KLHL32: variants seen among roughly 807,000 people sequenced by gnomAD.
The protein encoded by KLHL32 is kelch-like protein 32.
KLHL32 carries 35 observed loss-of-function variants against 64.8 expected under a neutral mutation model. The ratio of observed to expected loss-of-function variants is 0.54; its 90% CI spans 0.41 to 0.72. The LOEUF (loss-of-function observed/expected upper bound fraction) is 0.72. Among genes scored for constraint, KLHL32 ranks in the 30% least tolerant of loss-of-function variants. The pLI is 0.00. For missense variants in KLHL32, 589 were observed against 768.5 expected, an observed-to-expected ratio of 0.77 and a Z score of 2.76; for synonymous variants, 259 against 281.0, an observed-to-expected ratio of 0.92 and a Z score of 0.78.
chr6:97,043,572 A>G (rs1314044185), intron 4 of KLHL32, among the ~76,000 whole-genome samples: 2 of 152,120 alleles, frequency 1.3e-5, no homozygotes, highest in Admixed American at 6.6e-5. Context: ...TCCTTTGGCT[A>G]TTACCCAGAA....
intron 1 of KLHL32, among the ~76,000 whole-genome samples, chr6:96,929,085 C>T (rs979081501): frequency 3.3e-5 from 5 of 152,126 alleles, no homozygotes; most frequent in Admixed American, 6.5e-5. Context: ...GTTAGACTTG[C>T]ATTTAACTAC....
At chr6:97,037,303 A>G (rs1229339155) in intron 3 of KLHL32, among the ~76,000 whole-genome samples, 1 of 152,160 alleles carries the variant, frequency 6.6e-6, no homozygotes, top group Non-Finnish European at 1.5e-5. Context: ...ATGCAGTGAG[A>G]TGGAAATGAA....
At chr6:96,974,277 T>G (rs534174956) in intron 2 of KLHL32, among the ~76,000 whole-genome samples, 1 of 152,314 alleles carries the variant, frequency 6.6e-6, no homozygotes, top group South Asian at 2.1e-4. Flanking sequence ...TTAGGAAAGA[T>G]TTTTCAAAGA....
the KLHL32 span, among the ~76,000 whole-genome samples, chr6:96,916,403 A>G: frequency 6.6e-6 from 1 of 152,226 alleles, no homozygotes; most frequent in Non-Finnish European, 1.5e-5. Context: ...TGCTTTAACA[A>G]AAGTCAGCAC....
At chr6:97,070,480 G>C (rs886307334) in intron 5 of KLHL32, among the ~76,000 whole-genome samples, 2 of 152,046 alleles carry the variant, frequency 1.3e-5, no homozygotes, top group African/African-American at 4.8e-5. Flanking sequence ...TATTATGTTG[G>C]CTTTTATTCC....
the KLHL32 span, among the ~76,000 whole-genome samples, chr6:96,898,621 C>T: frequency 6.6e-6 from 1 of 152,060 alleles, no homozygotes; most frequent in Non-Finnish European, 1.5e-5. Flanking sequence ...TCCTATTTCT[C>T]TTCTCTCTTG....
chr6:97,113,335 C>T (rs190684346), intron 6 of KLHL32, among the ~76,000 whole-genome samples: 3 of 152,050 alleles, frequency 2.0e-5, no homozygotes, highest in Non-Finnish European at 2.9e-5. Flanking sequence ...TATTTTCTTA[C>T]GTTACTCATA....
intron 1 of KLHL32, among the ~76,000 whole-genome samples, chr6:96,953,257 T>C (rs1276212891): frequency 6.6e-6 from 1 of 152,224 alleles, no homozygotes; most frequent in Admixed American, 6.5e-5. Flanking sequence ...TACGTCCATA[T>C]TTCTCAGTAA....
chr6:96,941,237 A>G (rs1771244554), intron 1 of KLHL32, among the ~76,000 whole-genome samples: 1 of 152,222 alleles, frequency 6.6e-6, no homozygotes, highest in Admixed American at 6.5e-5. Context: ...CACTACTTTA[A>G]TAAAGATAGT....
chr6:96,997,834 AAAC>A (rs1165944898), intron 3 of KLHL32, among the ~76,000 whole-genome samples: 1 of 152,182 alleles, frequency 6.6e-6, no homozygotes, highest in Non-Finnish European at 1.5e-5. Flanking sequence ...AAACCATAAA[AAAC>A]GTACAAACCA....
At chr6:97,030,148 C>T (rs1348067722) in intron 3 of KLHL32, among the ~76,000 whole-genome samples, 1 of 152,156 alleles carries the variant, frequency 6.6e-6, no homozygotes, top group Non-Finnish European at 1.5e-5. Flanking sequence ...TTCAGAGTAA[C>T]TCCAAAGCTG....
chr6:97,095,518 G>A (rs1019438520), intron 6 of KLHL32, among the ~76,000 whole-genome samples: 5 of 152,132 alleles, frequency 3.3e-5, no homozygotes, highest in South Asian at 2.1e-4. Context: ...CCTGCTTCTC[G>A]TCTTCATGCT....
In KLHL32 at chr6:97,085,135, A is replaced by G; in HGVS notation, c.421A>G (p.Ser141Gly). The G allele has an allele frequency of 6.2e-7, 1 of 1,610,534 alleles. No homozygotes were observed. The change falls in exon 6 of 11, where the codon AGC (serine) becomes GGC (glycine). Residue 141 changes from serine to glycine, a missense_variant. By Grantham distance (56) the Ser-to-Gly change is moderately conservative. Coordinates refer to ENST00000369261, the MANE Select transcript of KLHL32 (RefSeq NM_052904.4). ...CSHYLIQELN[S>G]FNYLDLYRLA... Reference sequence around the variant, plus strand: ...ATTTTTTGGCACCCAGGAATTAAATAGCTTTAATTACTTGGATCTGTACAG... The same window carrying G: ...ATTTTTTGGCACCCAGGAATTAAATGGCTTTAATTACTTGGATCTGTACAG...
chr6:96,993,650 A>AT (rs927213767), intron 3 of KLHL32, among the ~76,000 whole-genome samples: 1 of 152,150 alleles, frequency 6.6e-6, no homozygotes, highest in Admixed American at 6.5e-5. Flanking sequence ...AAATTCTGAG[A>AT]TTTTTACCCT....
intron 4 of KLHL32, among the ~76,000 whole-genome samples, chr6:97,062,959 G>A (rs546284740): frequency 1.9e-4 from 29 of 152,174 alleles, no homozygotes; most frequent in Non-Finnish European, 3.7e-4. Context: ...CCCAGGCAGA[G>A]CAAACAACTA....
At chr6:97,045,668 T>C (rs997686451) in intron 4 of KLHL32, among the ~76,000 whole-genome samples, 6 of 152,234 alleles carry the variant, frequency 3.9e-5, no homozygotes, top group Non-Finnish European at 7.3e-5. Flanking sequence ...GCCTTATTGC[T>C]TGCTTGATTG....
chr6:96,968,573 T>G (rs1380838378), intron 2 of KLHL32, among the ~76,000 whole-genome samples: 1 of 152,150 alleles, frequency 6.6e-6, no homozygotes, highest in Non-Finnish European at 1.5e-5. Context: ...TTTTTTACTT[T>G]TAAGTCTGCC....
At chr6:96,985,432 G>A (rs1223191394) in intron 3 of KLHL32, among the ~76,000 whole-genome samples, 1 of 152,148 alleles carries the variant, frequency 6.6e-6, no homozygotes, top group Non-Finnish European at 1.5e-5. Context: ...TTGCTAGGTT[G>A]GGGAAGTTCT....
chr6:97,085,234 C>A lies in KLHL32; in HGVS notation c.520C>A (p.Leu174Ile). Residue 174 changes from leucine (L) to isoleucine (I), a missense_variant, in exon 6 of 11, where the codon CTC (leucine) becomes ATC (isoleucine). Leu to Ile is a conservative substitution (Grantham distance 5). This residue lies in a region of KLHL32 where 191 missense variants were observed against 223.3 expected (regional missense o/e 0.86). Transcript: ENST00000369261. Reference sequence around the variant, plus strand: ...TTTCTTAGTGAAACATCTCTCTGAACTCCTGAAGAGCCGCCCAGAAGAAGT... The same window carrying A: ...TTTCTTAGTGAAACATCTCTCTGAAATCCTGAAGAGCCGCCCAGAAGAAGT... Reference protein sequence around the residue: ...IDFLVKHLSELLKSRPEEVLT... With the variant: ...IDFLVKHLSEILKSRPEEVLT... The A allele has an allele frequency of 1.2e-6, 2 of 1,614,042 alleles. No individual in the cohort carries two copies. The highest frequency in any genetic ancestry group is 2.2e-5 in the East Asian group (1 of 44,882).
Sources: allele counts gnomAD v4.1 joint callset (sites outside exome capture counted in the v4.1 genomes callset), GRCh38; gene constraint gnomAD v4.1.1; regional missense constraint gnomAD v4.1.1; transcripts MANE v1.5; gene names NCBI Gene and HGNC (gene_info 2026-07-23, HGNC 2026-07-21).